Variants in CNTRL observed in about 807,000 individuals in gnomAD.
CNTRL encodes the protein 110 kDa centrosomal protein.
Under a neutral mutation model 303.7 loss-of-function variants are expected in CNTRL, and 233 were observed. That is an observed-to-expected ratio of 0.77 (90% confidence interval 0.69 to 0.86). The LOEUF (loss-of-function observed/expected upper bound fraction) is 0.86, where lower values mean the gene tolerates loss of function less well. Ranked by LOEUF, CNTRL falls within the 40% of genes least tolerant of loss-of-function variation. CNTRL has a pLI of 0.00. For synonymous variants in CNTRL, 900 were observed against 922.2 expected (o/e 0.98, Z 0.44); for missense variants, 2,524 against 2,650.6 (o/e 0.95, Z 1.05).
chr9:121,176,153 C>T (rs2053515191), intron 43 of CNTRL, among the ~76,000 whole-genome samples: 1 of 152,144 alleles, frequency 6.6e-6, no homozygotes, highest in African/African-American at 2.4e-5. Context: ...TTTTTACATC[C>T]TTGGAGGTAG....
At chr9:121,145,975 T>A (rs964753982) in intron 22 of CNTRL, 133 bp from the exon 23 acceptor site, 1 of 719,818 alleles carries the variant, frequency 1.4e-6, no homozygotes, top group Admixed American at 3.4e-5. Flanking sequence ...TTTTTTGACT[T>A]ACCAAAGGGC....
At chr9:121,134,292 TA>T (rs11303355) in intron 14 of CNTRL, among the ~76,000 whole-genome samples, 70,508 of 140,696 alleles carry the variant, frequency 0.5, 18,740 homozygotes, top group South Asian at 0.78. Flanking sequence ...ATATCATTAT[TA>T]TTTTTTTTTT....
At position 121,125,773 on chromosome 9, in the gene CNTRL, T is replaced by C; in HGVS notation, c.1862T>C (p.Leu621Ser). 1.9e-6 allele frequency: 3 copies of C among 1,614,174 alleles called. No homozygotes were observed. The highest frequency in any genetic ancestry group is 1.7e-6 in the Non-Finnish European group (2 of 1,180,022). The stretch of plus-strand genomic sequence containing the variant: ...GATTTAGAAGGTGTTATCAGTGGGT[T>C]GCAAGAATACCTGGGGACCATTAAA... ...KKDLEGVISG[L>S]QEYLGTIKGQ... The change falls in exon 14 of 44, where the codon TTG becomes TCG. Residue 621 changes from leucine to serine, a missense_variant. Transcript: ENST00000373855.
At chr9:121,146,457 G>A (rs879846909) in intron 23 of CNTRL, among the ~76,000 whole-genome samples, 3 of 152,142 alleles carry the variant, frequency 2.0e-5, no homozygotes, top group Non-Finnish European at 2.9e-5. Context: ...GTTCATACTC[G>A]GGCGGTATGT....
Position 121,118,360 on chromosome 9 carries a change from GA to G in CNTRL, c.1473del (p.Asp492ThrfsTer7), listed in dbSNP as rs761531170. On this transcript the variant is annotated frameshift_variant, in exon 12 of 44. Coordinates refer to ENST00000373855, the MANE Select transcript of CNTRL (RefSeq NM_007018.6). LOFTEE classifies it high-confidence loss of function. ...GGGGAGATTAGATTTCAGAAGCAGG[GA>G]AAGACCTTCTTTACAAGCAGTTGAG... is the stretch of plus-strand genomic sequence containing the variant. ...IQLKKISEAGKDLLYKQLSGR... is the reference protein window; with the variant it reads ...IQLKKISEAGXDLLYKQLSGR... 1.3e-6 allele frequency: 2 copies of G among 1,593,306 alleles called. No homozygotes were observed. Among genetic ancestry groups the G allele is most frequent in the South Asian group, 2.3e-5 (2 of 88,066 alleles).
chr9:121,081,083 C>G (rs2048121471), intron 2 of CNTRL, among the ~76,000 whole-genome samples: 1 of 152,190 alleles, frequency 6.6e-6, no homozygotes. Context: ...CCAGATTTCT[C>G]TTGGCCTCTC....
chr9:121,105,875 T>G (rs2132922857), intron 7 of CNTRL, among the ~76,000 whole-genome samples: 1 of 152,108 alleles, frequency 6.6e-6, no homozygotes, highest in East Asian at 1.9e-4. Flanking sequence ...GATTTGAAAT[T>G]TTTTCCCATA....
chr9:121,127,145 G>A (rs999546018), intron 14 of CNTRL, among the ~76,000 whole-genome samples: 1 of 152,122 alleles, frequency 6.6e-6, no homozygotes, highest in Non-Finnish European at 1.5e-5. Context: ...TATGCACACT[G>A]ATAGATGTAG....
chr9:121,162,122 G>A lies in CNTRL; in HGVS notation c.5274G>A (p.Lys1758=). The A allele has an allele frequency of 6.2e-7, 1 of 1,614,172 alleles. No individual in the cohort carries two copies. Among genetic ancestry groups the A allele is most frequent in the Non-Finnish European group, 8.5e-7 (1 of 1,180,036 alleles). The stretch of plus-strand genomic sequence containing the variant: ...AGAAAGGGGAAATAGAGTGGCAGAA[G>A]CAGCTCCTTGAGAGGGATAAACGAG... ...QQQKGEIEWQ[K]QLLERDKREI... is the part of the protein sequence containing the mutation. The change falls in exon 34 of 44, where the codon AAG becomes AAA. Residue 1758 remains lysine, a synonymous_variant. Transcript: ENST00000373855.
In CNTRL at chr9:121,094,896, G is replaced by T. The variant is rs758129871; in HGVS notation, c.357G>T (p.Glu119Asp). The change falls in exon 5 of 44, where the codon GAG becomes GAT. Residue 119 changes from glutamate (E) to aspartate (D), a missense_variant. Coordinates refer to ENST00000373855, the MANE Select transcript of CNTRL (RefSeq NM_007018.6). Reference sequence around the variant, plus strand: ...CATTTGTTTCCAATTAGTATATTGAGAATTTGGAAAAATGTGTTAAACTTG... The same window carrying T: ...CATTTGTTTCCAATTAGTATATTGATAATTTGGAAAAATGTGTTAAACTTG... ...KDGGKKFKYI[E>D]NLEKCVKLEV... is the part of the protein sequence containing the mutation. 1 of 1,565,524 alleles carries T rather than the reference G, an allele frequency of 6.4e-7. No individual in the cohort carries two copies. The highest frequency in any genetic ancestry group is 8.7e-7 in the Non-Finnish European group (1 of 1,147,776).
chr9:121,079,580 T>A (rs1465130545), intron 1 of CNTRL, among the ~76,000 whole-genome samples: 2 of 152,194 alleles, frequency 1.3e-5, no homozygotes, highest in Non-Finnish European at 2.9e-5. Flanking sequence ...GGATTTTGGA[T>A]TTTTTCGGAT....
chr9:121,090,159 T>G, intron 3 of CNTRL, 116 bp from the exon 4 acceptor site: 1 of 677,642 alleles, frequency 1.5e-6, no homozygotes, highest in Non-Finnish European at 2.1e-6. Flanking sequence ...ATAGCCAGCT[T>G]TTTTGGTATA....
In CNTRL at chr9:121,173,431, C is replaced by T. The variant is rs143694412; in HGVS notation, c.6606C>T (p.Ser2202=). 473 of 1,613,840 alleles carry T rather than the reference C, an allele frequency of 2.9e-4. No homozygotes were observed. The highest frequency in any genetic ancestry group is 6.6e-4 in the Middle Eastern group (4 of 6,082). Residue 2202 remains serine, a synonymous_variant, in exon 41 of 44, where the codon AGC becomes AGT. Coordinates refer to ENST00000373855, the MANE Select transcript of CNTRL (RefSeq NM_007018.6). The stretch of plus-strand genomic sequence containing the variant: ...AAAACCTAGAAGGAGAATTGGAAAG[C>T]TTGAAAGAGAACCTTCCATTTACCA... ...RNENLEGELE[S]LKENLPFTMN...
intron 27 of CNTRL, among the ~76,000 whole-genome samples, chr9:121,155,335 T>C (rs553244912): frequency 8.5e-5 from 13 of 152,270 alleles, no homozygotes; most frequent in African/African-American, 2.4e-4. Context: ...AGTATTACTT[T>C]GGTCTTCAGG....
At chr9:121,170,213 A>G (rs1246206007) in intron 39 of CNTRL, among the ~76,000 whole-genome samples, 3 of 152,162 alleles carry the variant, frequency 2.0e-5, no homozygotes, top group Non-Finnish European at 4.4e-5. Flanking sequence ...GCGCAATCTC[A>G]GCTCACTGCA....
chr9:121,167,059 C>T (rs2053122902), intron 36 of CNTRL, among the ~76,000 whole-genome samples: 1 of 151,986 alleles, frequency 6.6e-6, no homozygotes, highest in Non-Finnish European at 1.5e-5. Context: ...CAGGCCATCC[C>T]AGCACTTTGG....
chr9:121,089,402 C>T (rs888440593), intron 3 of CNTRL, among the ~76,000 whole-genome samples: 6 of 152,088 alleles, frequency 3.9e-5, no homozygotes, highest in South Asian at 2.1e-4. Context: ...TTTTCTGACT[C>T]GTAAGGCAGG....
chr9:121,137,290 T>C (rs1312171831), intron 15 of CNTRL, among the ~76,000 whole-genome samples: 1 of 152,204 alleles, frequency 6.6e-6, no homozygotes, highest in Non-Finnish European at 1.5e-5. Context: ...CTATAACCTG[T>C]GCACAGTAAA....
chr9:121,170,375 C>A (rs2053256020), intron 39 of CNTRL, among the ~76,000 whole-genome samples: 1 of 152,124 alleles, frequency 6.6e-6, no homozygotes, highest in Non-Finnish European at 1.5e-5. Flanking sequence ...AACTCCTGAC[C>A]TCAGGTGATC....
Sources: gnomAD v4.1 joint callset for allele counts (sites outside exome capture counted in the v4.1 genomes callset) on GRCh38, gnomAD v4.1.1 for gene constraint, MANE v1.5 for transcripts, NCBI Gene and HGNC (gene_info 2026-07-23, HGNC 2026-07-21) for gene names.